KLF7: variants seen among roughly 807,000 people sequenced by gnomAD.
KLF7 encodes the protein KLF transcription factor 7.
Under a neutral mutation model 27.3 loss-of-function variants are expected in KLF7, and 2 were observed. The observed-to-expected ratio is 0.07, with a 90% CI of 0.03 to 0.23. The LOEUF (loss-of-function observed/expected upper bound fraction) is 0.23. Ranked by LOEUF, KLF7 falls within the 10% of genes least tolerant of loss-of-function variation. The pLI, the probability that KLF7 is intolerant of heterozygous loss-of-function variation, is 1.00. For synonymous variants in KLF7, 165 were observed against 162.4 expected (o/e 1.02, Z -0.12); for missense variants, 221 against 394.1 (o/e 0.56, Z 3.72).
At chr2:207,153,946 A>C (rs1051276351) in intron 1 of KLF7, among the ~76,000 whole-genome samples, 54 of 152,336 alleles carry the variant, frequency 3.5e-4, no homozygotes, top group African/African-American at 1.3e-3. Context: ...TGCTAGGCTA[A>C]ACCTTAAATA....
intron 2 of KLF7, among the ~76,000 whole-genome samples, chr2:207,094,444 G>A (rs2076580466): frequency 6.6e-6 from 1 of 152,110 alleles, no homozygotes; most frequent in Non-Finnish European, 1.5e-5. Flanking sequence ...TGGAAACTCT[G>A]CAGATCAGGA....
intron 1 of KLF7, among the ~76,000 whole-genome samples, chr2:207,158,668 G>A (rs1017176390): frequency 1.7e-4 from 26 of 152,214 alleles, no homozygotes; most frequent in African/African-American, 4.8e-4. Flanking sequence ...TCGGTACAGT[G>A]TATATTTTCC....
intron 1 of KLF7, among the ~76,000 whole-genome samples, chr2:207,158,029 T>A (rs930550487): frequency 6.6e-6 from 1 of 151,414 alleles, no homozygotes; most frequent in Non-Finnish European, 1.5e-5. Context: ...TAGAAAAAAA[T>A]GAGGGCCTGA....
intron 3 of KLF7, among the ~76,000 whole-genome samples, chr2:207,083,560 C>T (rs1052545673): frequency 6.6e-6 from 1 of 152,176 alleles, no homozygotes; most frequent in African/African-American, 2.4e-5. Context: ...ATCTGCTTAA[C>T]CACATTGAGG....
upstream of KLF7, chr2:207,166,008 C>T (rs891104022): frequency 3.9e-5 from 38 of 986,794 alleles, no homozygotes; most frequent in Admixed American, 6.6e-4. Context: ...CTCTCGCGAT[C>T]GCTTCTCTTC....
intron 2 of KLF7, among the ~76,000 whole-genome samples, chr2:207,090,824 C>G (rs2076493825): frequency 6.6e-6 from 1 of 152,122 alleles, no homozygotes. Flanking sequence ...ATGTTAGCAT[C>G]ATGTATTTAA....
At chr2:207,093,382 G>A (rs761363576) in intron 2 of KLF7, among the ~76,000 whole-genome samples, 3 of 152,122 alleles carry the variant, frequency 2.0e-5, no homozygotes, top group East Asian at 3.9e-4. Context: ...TCCCCTCCCC[G>A]ATTCACCACA....
chr2:207,124,270 G>A lies in KLF7; in HGVS notation c.237C>T (p.Pro79=), dbSNP rs1438513082. The change falls in exon 2 of 4, where the codon CCC becomes CCT. Residue 79 remains proline (P), a synonymous_variant. Coordinates refer to ENST00000309446, the MANE Select transcript of KLF7 (RefSeq NM_003709.4). ...TGGCCGCTTCCACGGGGAGCAGCAG[G>A]GGGTCTAAGCGACGGAAGCTTTCCT... ...CIEESFRRLD[P]LLLPVEAAIC... The A allele has an allele frequency of 1.2e-6, 2 of 1,614,132 alleles. No individual in the cohort carries two copies. The highest frequency in any genetic ancestry group is 4.5e-5 in the East Asian group (2 of 44,868).
chr2:207,146,527 T>C (rs1219777094), intron 1 of KLF7, among the ~76,000 whole-genome samples: 1 of 152,148 alleles, frequency 6.6e-6, no homozygotes, highest in Non-Finnish European at 1.5e-5. Flanking sequence ...TTACCTCCTC[T>C]GGAATATTCC....
intron 1 of KLF7, among the ~76,000 whole-genome samples, chr2:207,143,787 T>C (rs1353412727): frequency 6.6e-6 from 1 of 152,062 alleles, no homozygotes; most frequent in East Asian, 1.9e-4. Flanking sequence ...GCAGGCACAT[T>C]TGACCTTTGG....
intron 3 of KLF7, among the ~76,000 whole-genome samples, chr2:207,081,793 G>A (rs960284425): frequency 1.4e-5 from 2 of 146,962 alleles, no homozygotes; most frequent in Non-Finnish European, 3.0e-5. Context: ...TACAATGAAA[G>A]CCTAGAAATA....
the KLF7 span, among the ~76,000 whole-genome samples, chr2:207,173,432 A>G: frequency 2.0e-5 from 3 of 152,078 alleles, no homozygotes; most frequent in African/African-American, 7.2e-5. Flanking sequence ...GAGTTTAATT[A>G]GCATGGGTCT....
chr2:207,081,041 G>C lies in KLF7; in HGVS notation c.*172C>G. 1 of 662,178 alleles carries C rather than the reference G, an allele frequency of 1.5e-6. No individual in the cohort carries two copies. Among genetic ancestry groups the C allele is most frequent in the South Asian group, 1.8e-5 (1 of 56,808 alleles). The allele number at this position is 662,178 out of a possible 1,614,324, so 41.0% of individuals were successfully genotyped here. A position where few individuals can be genotyped will look rare whatever the true frequency, so the allele number is the denominator to read the frequency against. ...AGTGCATGACAGTGTGTATGTGTGT[G>C]GGTCTGTGAGTGTGTGTATATGTGT... is the stretch of plus-strand genomic sequence containing the variant. On this transcript the variant is annotated 3_prime_UTR_variant, in exon 4 of 4. Coordinates refer to ENST00000309446, the MANE Select transcript of KLF7 (RefSeq NM_003709.4).
At chr2:207,147,575 T>G (rs1490862958) in intron 1 of KLF7, among the ~76,000 whole-genome samples, 2 of 152,048 alleles carry the variant, frequency 1.3e-5, no homozygotes, top group South Asian at 4.1e-4. Flanking sequence ...AGGTGCAGAG[T>G]GGCTGGGGCG....
intron 3 of KLF7, among the ~76,000 whole-genome samples, chr2:207,083,937 A>G (rs2076330744): frequency 6.6e-6 from 1 of 152,214 alleles, no homozygotes; most frequent in Non-Finnish European, 1.5e-5. Flanking sequence ...ATATTCCCCT[A>G]GAGCCTCCAG....
upstream of KLF7, chr2:207,166,337 G>A (rs1033961232): frequency 1.1e-5 from 3 of 283,274 alleles, no homozygotes; most frequent in Non-Finnish European, 1.6e-5. Flanking sequence ...TGCGAGGCGA[G>A]CTATTTTTAG....
chr2:207,143,315 G>GT (rs2077996200), intron 1 of KLF7, among the ~76,000 whole-genome samples: 1 of 150,768 alleles, frequency 6.6e-6, no homozygotes, highest in African/African-American at 2.4e-5. Flanking sequence ...TCAGAGATCA[G>GT]TTGATCTTCA....
chr2:207,164,996 A>G (rs931326638), intron 1 of KLF7, among the ~76,000 whole-genome samples: 1 of 88,806 alleles, frequency 1.1e-5, no homozygotes, highest in Non-Finnish European at 2.4e-5. Context: ...GCTCCTGCCC[A>G]CCCTCCCCCG....
intron 2 of KLF7, among the ~76,000 whole-genome samples, chr2:207,102,158 A>C (rs974461085): frequency 8.1e-5 from 12 of 148,820 alleles, no homozygotes; most frequent in Admixed American, 1.3e-4. Flanking sequence ...ACACACACAC[A>C]CCCTGCCCTC....
Sources: gnomAD v4.1 joint callset for allele counts (sites outside exome capture counted in the v4.1 genomes callset) on GRCh38, gnomAD v4.1.1 for gene constraint, MANE v1.5 for transcripts, NCBI Gene and HGNC (gene_info 2026-07-23, HGNC 2026-07-21) for gene names.